Variants in CAMK1D observed in about 807,000 individuals in gnomAD.
The protein encoded by CAMK1D is calcium/calmodulin dependent protein kinase ID.
In CAMK1D, 9 loss-of-function variants were observed where a neutral mutation model predicts 47.7. The observed-to-expected ratio is 0.19, with a 90% CI of 0.11 to 0.33. CAMK1D has a LOEUF of 0.33. Among genes scored for constraint, CAMK1D ranks in the 10% least tolerant of loss-of-function variants. CAMK1D has a pLI of 1.00. For synonymous variants in CAMK1D, 184 were observed against 184.9 expected, an observed-to-expected ratio of 0.99 and a Z score of 0.04; for missense variants, 291 against 488.7, an observed-to-expected ratio of 0.60 and a Z score of 3.81.
intron 1 of CAMK1D, among the ~76,000 whole-genome samples, chr10:12,532,054 C>T (rs1835821504): frequency 6.6e-6 from 1 of 152,200 alleles, no homozygotes; most frequent in Admixed American, 6.5e-5. Context: ...GCCAGCCCAG[C>T]CCATCATTTC....
At chr10:12,657,562 AC>A (rs1453426565) in intron 2 of CAMK1D, among the ~76,000 whole-genome samples, 3 of 152,246 alleles carry the variant, frequency 2.0e-5, no homozygotes, top group Non-Finnish European at 4.4e-5. Context: ...TTTATTGTCT[AC>A]ACTAAATTAA....
intron 2 of CAMK1D, among the ~76,000 whole-genome samples, chr10:12,639,931 A>T (rs948018087): frequency 6.6e-6 from 1 of 151,850 alleles, no homozygotes; most frequent in African/African-American, 2.4e-5. Flanking sequence ...CTACATGGAA[A>T]CTCTTGTAGC....
chr10:12,650,392 T>C (rs1359032917), intron 2 of CAMK1D, among the ~76,000 whole-genome samples: 1 of 152,218 alleles, frequency 6.6e-6, no homozygotes, highest in Non-Finnish European at 1.5e-5. Context: ...TGCTGTGTCA[T>C]GATGTTTACG....
At chr10:12,722,446 CAAAA>C (rs55809900) in intron 3 of CAMK1D, among the ~76,000 whole-genome samples, 200 of 48,600 alleles carry the variant, frequency 4.1e-3, no homozygotes, top group African/African-American at 0.013. Context: ...GACTCCGCCT[CAAAA>C]AAAAAAAAAA....
chr10:12,831,462 G>A lies in CAMK1D; in HGVS notation c.*2575G>A, dbSNP rs1014163735. On this transcript the variant is annotated 3_prime_UTR_variant, in exon 11 of 11. Transcript: ENST00000619168. ...CATTTGCATTCAGAAAGCAGCATTT[G>A]AAGCTGAGTTCCATTACTGGTGATT... 3 of 152,234 alleles carry A rather than the reference G, an allele frequency of 2.0e-5. No individual in the cohort carries two copies. The highest frequency in any genetic ancestry group is 7.2e-5 in the African/African-American group (3 of 41,450). The allele number at this position is 152,234 out of a possible 1,614,324, so 9.4% of individuals were successfully genotyped here.
chr10:12,619,313 C>T (rs536034780), intron 2 of CAMK1D, among the ~76,000 whole-genome samples: 118 of 150,610 alleles, frequency 7.8e-4, no homozygotes, highest in African/African-American at 2.8e-3. Flanking sequence ...TTTTTTGAGA[C>T]GGGGTCTTGC....
At chr10:12,491,419 C>T (rs73571204) in intron 1 of CAMK1D, among the ~76,000 whole-genome samples, 3,881 of 151,864 alleles carry the variant, frequency 0.026, 183 homozygotes, top group African/African-American at 0.088. Context: ...CCTCATAGTC[C>T]AGGGTCATTC....
At chr10:12,517,850 T>C (rs903554747) in intron 1 of CAMK1D, among the ~76,000 whole-genome samples, 4 of 152,208 alleles carry the variant, frequency 2.6e-5, no homozygotes, top group Admixed American at 2.6e-4. Flanking sequence ...CAGCAGTGTA[T>C]AACTTTTAAT....
At chr10:12,371,095 T>G (rs921387678) in intron 1 of CAMK1D, among the ~76,000 whole-genome samples, 3 of 151,910 alleles carry the variant, frequency 2.0e-5, no homozygotes, top group African/African-American at 7.3e-5. Flanking sequence ...GGAAGAAAAA[T>G]TAAAACAATA....
At chr10:12,814,448 A>T in intron 7 of CAMK1D, 141 bp downstream of exon 7, 1 of 550,592 alleles carries the variant, frequency 1.8e-6, no homozygotes, top group Non-Finnish European at 3.3e-6. Context: ...CTGTAACAAG[A>T]TACCATAGAC....
chr10:12,358,891 T>C (rs573558416), intron 1 of CAMK1D, among the ~76,000 whole-genome samples: 15 of 152,154 alleles, frequency 9.9e-5, no homozygotes, highest in South Asian at 4.1e-4. Flanking sequence ...GCAGGTTCCA[T>C]TGGGGAAGAA....
intron 1 of CAMK1D, among the ~76,000 whole-genome samples, chr10:12,544,551 G>T (rs1313505190): frequency 1.3e-5 from 2 of 152,194 alleles, no homozygotes; most frequent in Non-Finnish European, 2.9e-5. Flanking sequence ...AAGCATTCAG[G>T]CACATAAGTG....
intron 1 of CAMK1D, among the ~76,000 whole-genome samples, chr10:12,421,213 C>G (rs1441086924): frequency 6.6e-6 from 1 of 152,180 alleles, no homozygotes; most frequent in Non-Finnish European, 1.5e-5. Flanking sequence ...ATAGGAATCC[C>G]TTTCTCTCAA....
chr10:12,414,284 A>G (rs144220766), intron 1 of CAMK1D, among the ~76,000 whole-genome samples: 110 of 152,334 alleles, frequency 7.2e-4, no homozygotes, highest in African/African-American at 2.4e-3. Context: ...AATTGCAGTA[A>G]ACTTTCTGTG....
intron 3 of CAMK1D, among the ~76,000 whole-genome samples, chr10:12,720,189 C>T (rs1418843584): frequency 6.6e-6 from 1 of 152,220 alleles, no homozygotes; most frequent in Admixed American, 6.5e-5. Context: ...GCTTTTCCAT[C>T]TGAACCACAG....
chr10:12,424,640 T>TAAAA (rs1840164524), intron 1 of CAMK1D, among the ~76,000 whole-genome samples: 1 of 152,122 alleles, frequency 6.6e-6, no homozygotes, highest in Non-Finnish European at 1.5e-5. Flanking sequence ...ACCATGTTAT[T>TAAAA]CCTCTGTTTA....
intron 1 of CAMK1D, among the ~76,000 whole-genome samples, chr10:12,372,783 C>A (rs1017103426): frequency 6.8e-6 from 1 of 147,342 alleles, no homozygotes; most frequent in African/African-American, 2.4e-5. Flanking sequence ...CACATGCCAC[C>A]AGGCTCAGCT....
rs1429823161 is a variant in CAMK1D at position 12,769,892 on chromosome 10, C to T, written c.565+93C>T. 3.5e-6 allele frequency: 5 copies of T among 1,425,002 alleles called. No homozygotes were observed. The Admixed American group carries it at 7.5e-5, about 22-fold the overall frequency. 88.3% of individuals were successfully genotyped at this position (1,425,002 alleles called of 1,614,324 possible). A position where few individuals can be genotyped will look rare whatever the true frequency, so the allele number is the denominator to read the frequency against. On this transcript the variant is annotated intron_variant, in intron 5 of 10. Coordinates refer to ENST00000619168, the MANE Select transcript of CAMK1D (RefSeq NM_153498.4). ...GTGTCAACTCATCAGTTGTGTGAAA[C>T]ATATGAGCTTGGCATGTAATCACAG...
chr10:12,639,311 C>G (rs1043050158), intron 2 of CAMK1D, among the ~76,000 whole-genome samples: 1 of 152,114 alleles, frequency 6.6e-6, no homozygotes, highest in African/African-American at 2.4e-5. Flanking sequence ...ATGGTGAAAC[C>G]CTGTGTCTAC....
Sources: allele counts gnomAD v4.1 joint callset (sites outside exome capture counted in the v4.1 genomes callset), GRCh38; gene constraint gnomAD v4.1.1; transcripts MANE v1.5; gene names NCBI Gene and HGNC (gene_info 2026-07-23, HGNC 2026-07-21).